The following DMD variants were observed in gnomAD, a reference collection of about 807,000 sequenced individuals.
DMD encodes the protein dystrophin.
In DMD, 63 loss-of-function variants were observed where a neutral mutation model predicts 330.1. The ratio of observed to expected loss-of-function variants is 0.19; its 90% CI spans 0.16 to 0.24. DMD has a LOEUF of 0.24. DMD is among the 10% of genes least tolerant of loss of function. The pLI is 1.00. For synonymous variants in DMD, 1,223 were observed against 959.8 expected (o/e 1.27, Z -5.07); for missense variants, 3,344 against 2,684.1 (o/e 1.25, Z -5.43).
chrX:31,617,471 T>G (rs1227785679), intron 55 of DMD, among the ~76,000 whole-genome samples: 1 of 99,462 alleles, frequency 1.0e-5, no homozygotes, highest in Non-Finnish European at 2.0e-5. Context: ...GAGGTGGAGG[T>G]TGCAGTGAGC....
intron 1 of DMD, among the ~76,000 whole-genome samples, chrX:33,108,544 G>T (rs1345461606): frequency 9.2e-6 from 1 of 108,896 alleles, no homozygotes; most frequent in African/African-American, 3.3e-5. Flanking sequence ...GGGATTACAG[G>T]CATGATCCAC....
At chrX:31,553,231 C>T (rs2074597962) in intron 55 of DMD, among the ~76,000 whole-genome samples, 1 of 111,936 alleles carries the variant, frequency 8.9e-6, no homozygotes, top group Admixed American at 9.4e-5. Flanking sequence ...ACTGCTCTAG[C>T]GGAATAGCAG....
intron 43 of DMD, among the ~76,000 whole-genome samples, chrX:32,222,555 T>C (rs2097135329): frequency 8.9e-6 from 1 of 112,414 alleles, no homozygotes; most frequent in South Asian, 3.6e-4. Context: ...AGAGAGAAGA[T>C]TCAAGTAAGC....
At chrX:33,146,834 TTC>T (rs1230177458) in intron 1 of DMD, among the ~76,000 whole-genome samples, 8 of 107,905 alleles carry the variant, frequency 7.4e-5, no homozygotes, top group African/African-American at 2.5e-4. Flanking sequence ...TCTTTTTTTT[TTC>T]TTTTTGAGAC....
intron 62 of DMD, among the ~76,000 whole-genome samples, chrX:31,293,203 TAGTG>T (rs1262361064): frequency 4.4e-5 from 2 of 45,876 alleles, no homozygotes; most frequent in African/African-American, 3.0e-4. Context: ...TAGTCTGGTT[TAGTG>T]TGTGTGTGTG....
intron 55 of DMD, among the ~76,000 whole-genome samples, chrX:31,524,683 C>A (rs1363150945): frequency 8.9e-6 from 1 of 112,207 alleles, no homozygotes. Flanking sequence ...GCACCCTTCT[C>A]CCTTCGTTCT....
intron 2 of DMD, among the ~76,000 whole-genome samples, chrX:32,940,162 G>C (rs1258279228): frequency 1.8e-5 from 2 of 111,646 alleles, no homozygotes; most frequent in Non-Finnish European, 3.8e-5. Context: ...ATGGTATAAC[G>C]TTTCAGTTAC....
At chrX:32,084,156 G>A (rs779216482) in intron 44 of DMD, among the ~76,000 whole-genome samples, 1 of 111,428 alleles carries the variant, frequency 9.0e-6, no homozygotes, top group African/African-American at 3.3e-5. Context: ...ACTCACCTTA[G>A]GTAAGTAAAA....
intron 63 of DMD, among the ~76,000 whole-genome samples, chrX:31,257,576 G>A (rs1160841448): frequency 1.8e-5 from 2 of 112,061 alleles, no homozygotes; most frequent in African/African-American, 6.5e-5. Flanking sequence ...TTATGCTTAT[G>A]TTTCGACTCT....
At chrX:32,846,723 TAA>T (rs10564725) in intron 3 of DMD, among the ~76,000 whole-genome samples, 9,647 of 53,685 alleles carry the variant, frequency 0.18, 688 homozygotes, top group Admixed American at 0.28. Context: ...ACTTTAGATT[TAA>T]AAAAAAAAAA....
chrX:31,260,062 A>G (rs778700585), intron 63 of DMD, among the ~76,000 whole-genome samples: 2 of 111,980 alleles, frequency 1.8e-5, no homozygotes, highest in African/African-American at 6.5e-5. Context: ...ACCCATCTCT[A>G]CAAAAATAAA....
At chrX:31,621,295 G>C (rs1348499624) in intron 55 of DMD, among the ~76,000 whole-genome samples, 6 of 111,946 alleles carry the variant, frequency 5.4e-5, no homozygotes, top group African/African-American at 1.9e-4. Flanking sequence ...TATCTGTTTT[G>C]TTTGTTCAAC....
chrX:33,253,716 G>T (rs1310877279), intron 1 of DMD, among the ~76,000 whole-genome samples: 1 of 110,956 alleles, frequency 9.0e-6, no homozygotes, highest in Non-Finnish European at 1.9e-5. Flanking sequence ...TTTACAACAG[G>T]TATAAGCGGT....
At chrX:33,266,806 T>C (rs1340586026) in intron 1 of DMD, among the ~76,000 whole-genome samples, 1 of 110,969 alleles carries the variant, frequency 9.0e-6, no homozygotes, top group Non-Finnish European at 1.9e-5. Context: ...CCCTTCATGA[T>C]AAAAACCCTC....
chrX:31,232,447 A>C (rs2047310505), intron 63 of DMD, among the ~76,000 whole-genome samples: 1 of 112,046 alleles, frequency 8.9e-6, no homozygotes, highest in Non-Finnish European at 1.9e-5. Context: ...GGTGGCTTAG[A>C]AAATGACCTG....
intron 55 of DMD, among the ~76,000 whole-genome samples, chrX:31,545,975 A>C (rs1174467860): frequency 3.6e-5 from 4 of 112,209 alleles, no homozygotes; most frequent in Non-Finnish European, 7.5e-5. Context: ...GTCAAGTTAC[A>C]GGAAATTTAT....
intron 7 of DMD, among the ~76,000 whole-genome samples, chrX:32,707,278 T>C (rs985257138): frequency 3.6e-5 from 4 of 112,050 alleles, no homozygotes; most frequent in African/African-American, 1.3e-4. Context: ...TACGAATAAA[T>C]AATTTCAAAA....
intron 42 of DMD, among the ~76,000 whole-genome samples, chrX:32,290,549 G>T (rs1356095108): frequency 9.0e-6 from 1 of 111,667 alleles, no homozygotes; most frequent in Non-Finnish European, 1.9e-5. Flanking sequence ...GGGTTATACG[G>T]GAAGAAAGAA....
At chrX:31,323,133 C>A (rs775759848) in intron 62 of DMD, among the ~76,000 whole-genome samples, 99 of 111,972 alleles carry the variant, frequency 8.8e-4, no homozygotes, top group African/African-American at 3.0e-3. Flanking sequence ...AACAACTAAG[C>A]CCTACGAGTC....
Sources: allele counts gnomAD v4.1 joint callset (sites outside exome capture counted in the v4.1 genomes callset), GRCh38; gene constraint gnomAD v4.1.1; transcripts MANE v1.5; gene names NCBI Gene and HGNC (gene_info 2026-07-23, HGNC 2026-07-21).